The following FAF1 variants were observed in gnomAD, a reference collection of about 807,000 sequenced individuals.
The protein encoded by FAF1 is FAS-associated factor 1.
Under a neutral mutation model 92.5 loss-of-function variants are expected in FAF1, and 25 were observed. The ratio of observed to expected loss-of-function variants is 0.27; its 90% confidence interval spans 0.20 to 0.38. The LOEUF (loss-of-function observed/expected upper bound fraction) is 0.38. FAF1 is among the 10% of genes least tolerant of loss of function. FAF1 has a pLI of 1.00. For synonymous variants in FAF1, 234 were observed against 273.2 expected, an observed-to-expected ratio of 0.86 and a Z score of 1.42; for missense variants, 636 against 793.3, an observed-to-expected ratio of 0.80 and a Z score of 2.38.
At chr1:50,443,079 C>A (rs1297420663) in intron 18 of FAF1, among the ~76,000 whole-genome samples, 3 of 152,232 alleles carry the variant, frequency 2.0e-5, no homozygotes, top group Non-Finnish European at 2.9e-5. Flanking sequence ...TCTGCCTCTG[C>A]TTCTCATTCG....
chr1:50,545,453 G>C (rs1648963913), intron 13 of FAF1, among the ~76,000 whole-genome samples: 1 of 152,044 alleles, frequency 6.6e-6, no homozygotes, highest in African/African-American at 2.4e-5. Context: ...ATTTTTAGTA[G>C]AGATGGGGTT....
intron 13 of FAF1, among the ~76,000 whole-genome samples, chr1:50,540,245 TA>T (rs1648699973): frequency 6.6e-6 from 1 of 152,166 alleles, no homozygotes; most frequent in African/African-American, 2.4e-5. Flanking sequence ...GTGCTGGGAT[TA>T]GAGGTGTGAG....
At chr1:50,904,591 C>A (rs1193992453) in intron 1 of FAF1, among the ~76,000 whole-genome samples, 2 of 152,126 alleles carry the variant, frequency 1.3e-5, no homozygotes, top group Non-Finnish European at 2.9e-5. Flanking sequence ...TCAGTAATAT[C>A]TAGTTGTGCT....
At chr1:50,856,583 T>G (rs1039120241) in intron 2 of FAF1, among the ~76,000 whole-genome samples, 1 of 151,730 alleles carries the variant, frequency 6.6e-6, no homozygotes, top group Admixed American at 6.6e-5. Flanking sequence ...AAAATATACA[T>G]AGTTGGTAGA....
intron 12 of FAF1, among the ~76,000 whole-genome samples, chr1:50,574,289 A>G (rs914568479): frequency 6.6e-6 from 1 of 152,264 alleles, no homozygotes; most frequent in African/African-American, 2.4e-5. Context: ...GAATAAGGAC[A>G]TGAGAAGCTG....
chr1:50,579,216 G>A (rs1013568818), intron 12 of FAF1, among the ~76,000 whole-genome samples: 40 of 152,214 alleles, frequency 2.6e-4, no homozygotes, highest in African/African-American at 9.4e-4. Flanking sequence ...AAGACACTTA[G>A]TAAAAGTTCT....
chr1:50,824,373 A>C (rs1190370277), intron 2 of FAF1, among the ~76,000 whole-genome samples: 4 of 152,124 alleles, frequency 2.6e-5, no homozygotes, highest in African/African-American at 9.7e-5. Flanking sequence ...TATTATACTG[A>C]TCATTCATTT....
At chr1:50,543,685 C>T (rs1054467638) in intron 13 of FAF1, among the ~76,000 whole-genome samples, 24 of 151,496 alleles carry the variant, frequency 1.6e-4, no homozygotes, top group African/African-American at 5.8e-4. Flanking sequence ...TACAGGCCAG[C>T]TCTATGAGAC....
intron 1 of FAF1, among the ~76,000 whole-genome samples, chr1:50,905,057 C>G (rs1254209151): frequency 6.6e-6 from 1 of 152,082 alleles, no homozygotes; most frequent in Non-Finnish European, 1.5e-5. Flanking sequence ...CCACAACAGG[C>G]CCCGGTGTGT....
chr1:50,692,129 T>A (rs1162214895), intron 7 of FAF1, among the ~76,000 whole-genome samples: 1 of 151,898 alleles, frequency 6.6e-6, no homozygotes, highest in Non-Finnish European at 1.5e-5. Context: ...GATGGGAGGA[T>A]CAATGGAACC....
At chr1:50,497,158 CT>C (rs1176090367) in intron 15 of FAF1, among the ~76,000 whole-genome samples, 1 of 151,812 alleles carries the variant, frequency 6.6e-6, no homozygotes, top group African/African-American at 2.4e-5. Context: ...TGAAAAGCAG[CT>C]GGAGAAAAGA....
intron 8 of FAF1, among the ~76,000 whole-genome samples, chr1:50,616,227 A>G (rs1336713019): frequency 6.6e-6 from 1 of 152,118 alleles, no homozygotes; most frequent in Middle Eastern, 3.2e-3. Context: ...CTGTTTTTGT[A>G]TCAATACCAT....
At position 50,917,695 on chromosome 1, in the gene FAF1, A is replaced by G. The variant is rs990605364; in HGVS notation, c.45+42072T>C. 3.3e-5 allele frequency among the ~76,000 whole-genome samples: 5 copies of G among 150,620 alleles called. No individual in the cohort carries two copies. The East Asian group carries it at 9.8e-4, about 30-fold the overall frequency. On this transcript the variant is annotated intron_variant, in intron 1 of 18. Coordinates refer to ENST00000396153, the MANE Select transcript of FAF1 (RefSeq NM_007051.3). Reference sequence around the variant, plus strand: ...AAAGGAAAGGAAAGGAAAGGAAAGGAAAGGAAAAGAAAGAAAACCAACATA... The same window carrying G: ...AAAGGAAAGGAAAGGAAAGGAAAGGGAAGGAAAAGAAAGAAAACCAACATA...
At chr1:50,754,218 G>A (rs1413585490) in intron 4 of FAF1, among the ~76,000 whole-genome samples, 1 of 152,118 alleles carries the variant, frequency 6.6e-6, no homozygotes, top group African/African-American at 2.4e-5. Context: ...GGATATTTTT[G>A]TAATCCTATA....
chr1:50,665,664 T>G (rs1655584418), intron 7 of FAF1, among the ~76,000 whole-genome samples: 1 of 152,172 alleles, frequency 6.6e-6, no homozygotes, highest in African/African-American at 2.4e-5. Flanking sequence ...GTTGAGTACA[T>G]GTAACAGAGA....
At chr1:50,652,891 G>A (rs1369191249) in intron 8 of FAF1, among the ~76,000 whole-genome samples, 1 of 152,076 alleles carries the variant, frequency 6.6e-6, no homozygotes, top group Non-Finnish European at 1.5e-5. Context: ...TATGAGCCAG[G>A]TACTGTATTT....
intron 4 of FAF1, among the ~76,000 whole-genome samples, chr1:50,784,437 C>T (rs949802741): frequency 4.6e-5 from 7 of 152,096 alleles, no homozygotes; most frequent in African/African-American, 1.7e-4. Context: ...AAAACAGTCC[C>T]ATTTACAATA....
chr1:50,721,319 A>C (rs1267949352), intron 6 of FAF1, among the ~76,000 whole-genome samples: 1 of 151,926 alleles, frequency 6.6e-6, no homozygotes, highest in African/African-American at 2.4e-5. Flanking sequence ...GGTTCAAGCA[A>C]TTCTCCTGCC....
chr1:50,751,351 T>C (rs1160810439), intron 4 of FAF1, among the ~76,000 whole-genome samples: 1 of 152,134 alleles, frequency 6.6e-6, no homozygotes, highest in Non-Finnish European at 1.5e-5. Flanking sequence ...TTTGTTTGTT[T>C]TGAGATGGAG....
Sources: allele counts gnomAD v4.1 joint callset (sites outside exome capture counted in the v4.1 genomes callset), GRCh38; gene constraint gnomAD v4.1.1; transcripts MANE v1.5; gene names NCBI Gene and HGNC (gene_info 2026-07-23, HGNC 2026-07-21).